THTPA: variants seen among roughly 807,000 people sequenced by gnomAD.
THTPA encodes the protein thiamine triphosphatase.
Under a neutral mutation model 16.5 loss-of-function variants are expected in THTPA, and 16 were observed. The ratio of observed to expected loss-of-function variants is 0.97; its 90% CI spans 0.66 to 1.47. The LOEUF (loss-of-function observed/expected upper bound fraction) is 1.47. Ranked by LOEUF, THTPA falls within the 40% of genes most tolerant of loss-of-function variation. The pLI is 0.00. For missense variants in THTPA, 281 were observed against 280.9 expected (o/e 1.00, Z 0.00); for synonymous variants, 110 against 115.5 (o/e 0.95, Z 0.30).
chr14:23,518,468 G>C, the THTPA span, among the ~76,000 whole-genome samples: 1 of 152,230 alleles, frequency 6.6e-6, no homozygotes, highest in African/African-American at 2.4e-5. The surrounding 1 kb of genome is among the most constrained non-coding windows in gnomAD (Gnocchi z 4.5). Flanking sequence ...TGCAAACTCT[G>C]TCTTGTTTGG....
the THTPA span, chr14:23,522,736 T>TGGG: frequency 2.0e-6 from 3 of 1,536,518 alleles, no homozygotes; most frequent in Non-Finnish European, 2.6e-6. Flanking sequence ...GGCCTGCAAC[T>TGGG]GGCTTTCGCT....
the THTPA span, chr14:23,529,860 G>T: frequency 1.5e-6 from 2 of 1,321,730 alleles, no homozygotes; most frequent in Non-Finnish European, 2.1e-6. Context: ...TTGGGCACTA[G>T]AGAAAGGGCA....
chr14:23,556,973 C>T lies in THTPA; in HGVS notation c.216C>T (p.Val72=). The T allele has an allele frequency of 6.2e-7, 1 of 1,614,196 alleles. No individual in the cohort carries two copies. The highest frequency in any genetic ancestry group is 8.5e-7 in the Non-Finnish European group (1 of 1,180,044). Residue 72 remains valine (V), a synonymous_variant, in exon 1 of 2, where the codon GTC becomes GTT. Transcript: ENST00000288014. ...WELKCPGAAG[V]LGPHTEYKEL... is the part of the protein sequence containing the mutation. ...TCAAATGTCCTGGAGCAGCAGGTGTCTTAGGACCCCACACGGAGTATAAGG... is the reference window on the plus strand; with the variant it reads ...TCAAATGTCCTGGAGCAGCAGGTGTTTTAGGACCCCACACGGAGTATAAGG...
upstream of THTPA, among the ~76,000 whole-genome samples, chr14:23,554,539 G>A (rs1882201730): frequency 6.7e-6 from 1 of 148,174 alleles, no homozygotes; most frequent in Admixed American, 6.8e-5. Context: ...ACCACACCCG[G>A]CTAATTAAAA....
chr14:23,537,975 C>A, the THTPA span: 1 of 152,798 alleles, frequency 6.5e-6, no homozygotes, highest in African/African-American at 2.4e-5. Flanking sequence ...ACAGCTCACC[C>A]TCCCTAAGCC....
the THTPA span, chr14:23,527,639 C>A: frequency 6.5e-7 from 1 of 1,536,420 alleles, no homozygotes; most frequent in African/African-American, 1.4e-5. Flanking sequence ...TCGGGCACCA[C>A]GTTGTGAAGG....
the THTPA span, chr14:23,521,885 G>A: frequency 6.6e-7 from 1 of 1,515,026 alleles, no homozygotes; most frequent in Non-Finnish European, 8.8e-7. Context: ...TGAGGGATTT[G>A]AGCTCCCACC....
chr14:23,541,823 TATC>T, the THTPA span, among the ~76,000 whole-genome samples: 53,917 of 151,870 alleles, frequency 0.36, 10,764 homozygotes, highest in African/African-American at 0.54. Flanking sequence ...ACTATCATTC[TATC>T]ATCTCTAAAT....
chr14:23,532,207 A>T, the THTPA span: 1 of 176,948 alleles, frequency 5.7e-6, no homozygotes, highest in Non-Finnish European at 1.1e-5. Flanking sequence ...GCTCTCCCCA[A>T]CCCTTTCTCT....
chr14:23,548,168 T>C, the THTPA span, among the ~76,000 whole-genome samples: 1 of 152,202 alleles, frequency 6.6e-6, no homozygotes, highest in East Asian at 1.9e-4. Flanking sequence ...TTTCACATTC[T>C]GTAACTGCCA....
the THTPA span, chr14:23,523,410 C>A: frequency 2.0e-6 from 3 of 1,525,934 alleles, no homozygotes; most frequent in Non-Finnish European, 2.6e-6. The surrounding 1 kb of genome is among the most constrained non-coding windows in gnomAD (Gnocchi z 4.1). Flanking sequence ...TGGGCTCGAA[C>A]CGCCTCCTTG....
At chr14:23,516,859 TG>T in the THTPA span, among the ~76,000 whole-genome samples, 2 of 152,206 alleles carry the variant, frequency 1.3e-5, no homozygotes, top group African/African-American at 4.8e-5. Flanking sequence ...GTGCAGGGTT[TG>T]GTATCAGGGA....
the THTPA span, among the ~76,000 whole-genome samples, chr14:23,520,502 C>T: frequency 6.6e-6 from 1 of 152,112 alleles, no homozygotes; most frequent in African/African-American, 2.4e-5. The surrounding 1 kb of genome is among the most constrained non-coding windows in gnomAD (Gnocchi z 8.7). Context: ...CCCACTCACC[C>T]CCTTCTTCCT....
At chr14:23,548,872 C>G in the THTPA span, among the ~76,000 whole-genome samples, 1 of 152,206 alleles carries the variant, frequency 6.6e-6, no homozygotes, top group Non-Finnish European at 1.5e-5. Flanking sequence ...CTCTCGCTCT[C>G]TTCGCATCAG....
Position 23,560,063 on chromosome 14 carries a change from A to T in THTPA, c.*1223A>T, listed in dbSNP as rs201685013. ...TGAACACAGGAGTTTAACAGAGCAC[A>T]GTATGGCAGTAGGTAGGGCTCAGGC... On this transcript the variant is annotated 3_prime_UTR_variant, in exon 2 of 2. Coordinates refer to ENST00000288014, the MANE Select transcript of THTPA (RefSeq NM_024328.6). The T allele has an allele frequency of 3.6e-4, 548 of 1,513,130 alleles. 1 individual carries two copies. The highest frequency in any genetic ancestry group is 4.7e-4 in the Non-Finnish European group (512 of 1,096,396). 93.7% of individuals were successfully genotyped at this position (1,513,130 alleles called of 1,614,324 possible).
chr14:23,520,106 A>G, the THTPA span, among the ~76,000 whole-genome samples: 1 of 152,130 alleles, frequency 6.6e-6, no homozygotes, highest in Non-Finnish European at 1.5e-5. The surrounding 1 kb of genome is among the most constrained non-coding windows in gnomAD (Gnocchi z 8.7). Context: ...GGTACAGAAC[A>G]TTCTTCTAGG....
At chr14:23,533,078 C>T in the THTPA span, 27 of 1,526,702 alleles carry the variant, frequency 1.8e-5, no homozygotes, top group African/African-American at 3.4e-4. The surrounding 1 kb of genome is among the most constrained non-coding windows in gnomAD (Gnocchi z 4.8). Context: ...GGATAGGCTT[C>T]CAGGGGCTAG....
At chr14:23,528,579 G>T in the THTPA span, 1 of 984,302 alleles carries the variant, frequency 1.0e-6, no homozygotes, top group African/African-American at 1.7e-5. Flanking sequence ...AGGCTCCCTT[G>T]TCCCTGCCCA....
Position 23,559,642 on chromosome 14 carries a change from C to T in THTPA, c.*802C>T. 2 of 1,022,062 alleles carry T rather than the reference C, an allele frequency of 2.0e-6. No homozygotes were observed. Among genetic ancestry groups the T allele is most frequent in the South Asian group, 1.4e-5 (1 of 71,888 alleles). The allele number at this position is 1,022,062 out of a possible 1,614,324, so 63.3% of individuals were successfully genotyped here. ...GGGCTGGTCCCCAGTTTTTGCAGTG[C>T]AAAGCCAGAGCGCCACCTGCTGGTA... On this transcript the variant is annotated 3_prime_UTR_variant, in exon 2 of 2. Transcript: ENST00000288014.
Sources: allele counts gnomAD v4.1 joint callset (sites outside exome capture counted in the v4.1 genomes callset), GRCh38; gene constraint gnomAD v4.1.1; non-coding constraint Gnocchi (gnomAD v3.1); transcripts MANE v1.5; gene names NCBI Gene and HGNC (gene_info 2026-07-23, HGNC 2026-07-21).